CYFIP2: variants seen among roughly 807,000 people sequenced by gnomAD.
CYFIP2 encodes cytoplasmic FMR1-interacting protein 2.
A neutral mutation model predicts 158.7 loss-of-function variants in CYFIP2; 29 were observed. The ratio of observed to expected loss-of-function variants is 0.18; its 90% CI spans 0.14 to 0.25. The LOEUF is 0.25. Ranked by LOEUF, CYFIP2 falls within the 10% of genes least tolerant of loss-of-function variation. The pLI is 1.00. For synonymous variants in CYFIP2, 585 were observed against 617.6 expected (o/e 0.95, Z 0.78); for missense variants, 852 against 1,639.5 (o/e 0.52, Z 8.29).
chr5:157,304,133 C>G, intron 7 of CYFIP2, 105 bp from the exon 8 acceptor site: 2 of 1,389,402 alleles, frequency 1.4e-6, no homozygotes, highest in Non-Finnish European at 1.9e-6. Flanking sequence ...TGATTCCTGG[C>G]CATCAGCGGG....
Position 157,393,336 on chromosome 5 carries a change from A to G in CYFIP2, c.*336A>G. The G allele has an allele frequency of 4.9e-6, 1 of 204,546 alleles. No homozygotes were observed. Among genetic ancestry groups the G allele is most frequent in the Non-Finnish European group, 9.8e-6 (1 of 101,958 alleles). 12.7% of individuals were successfully genotyped at this position (204,546 alleles called of 1,614,324 possible). A position where few individuals can be genotyped will look rare whatever the true frequency, so the allele number is the denominator to read the frequency against. ...CCCACCTATCTGTGGTTGCTTCCCA[A>G]GACCTCCTCCCAAGATAGACATCTC... On this transcript the variant is annotated 3_prime_UTR_variant, in exon 31 of 31. Transcript: ENST00000620254.
chr5:157,342,939 G>T, intron 23 of CYFIP2: 2 of 1,614,216 alleles, frequency 1.2e-6, no homozygotes, highest in Non-Finnish European at 1.7e-6. Flanking sequence ...GGGGCATCCT[G>T]GTTGGCTTCG....
chr5:157,277,675 G>A (rs1756671645), intron 1 of CYFIP2, among the ~76,000 whole-genome samples: 1 of 152,210 alleles, frequency 6.6e-6, no homozygotes, highest in Non-Finnish European at 1.5e-5. Flanking sequence ...AACTCAGATT[G>A]ATTGCTGGTG....
intron 1 of CYFIP2, among the ~76,000 whole-genome samples, chr5:157,275,048 C>T (rs895445161): frequency 9.2e-5 from 14 of 152,154 alleles, no homozygotes; most frequent in Admixed American, 8.5e-4. Flanking sequence ...ACTAGGATTA[C>T]AGGCATGAGC....
intron 13 of CYFIP2, among the ~76,000 whole-genome samples, chr5:157,316,340 T>C (rs1331980257): frequency 9.9e-5 from 15 of 152,144 alleles, no homozygotes; most frequent in Non-Finnish European, 1.8e-4. Flanking sequence ...AAAATCCAAA[T>C]ATAGACATTT....
intron 9 of CYFIP2, 135 bp from the exon 10 acceptor site, chr5:157,309,608 C>T (rs1330826350): frequency 2.1e-5 from 15 of 725,674 alleles, no homozygotes; most frequent in Non-Finnish European, 3.0e-5. Context: ...CACATGGTAG[C>T]GTCATCGGAA....
rs765203342 is a variant in CYFIP2 at position 157,375,409 on chromosome 5, A to G, written c.3040-7181A>G. Among the ~76,000 whole-genome samples, 6 of 152,202 alleles carry G rather than the reference A, an allele frequency of 3.9e-5. No homozygotes were observed. The South Asian group carries it at 1.2e-3, about 32-fold the overall frequency. On this transcript the variant is annotated intron_variant, in intron 26 of 30. Transcript: ENST00000620254. ...CAAGGGGAAGGGCAGGGTGAGTTGC[A>G]TGAGGCTCTCTCAGCCTGATTTCAG...
chr5:157,377,237 G>A (rs1346695577), intron 26 of CYFIP2, among the ~76,000 whole-genome samples: 2 of 151,980 alleles, frequency 1.3e-5, no homozygotes, highest in East Asian at 1.9e-4. Flanking sequence ...ATCTAAGAGA[G>A]GCTTAGAAGA....
intron 1 of CYFIP2, among the ~76,000 whole-genome samples, chr5:157,282,565 T>C (rs1454197360): frequency 6.6e-6 from 1 of 152,252 alleles, no homozygotes; most frequent in African/African-American, 2.4e-5. Context: ...TGAATGGCCT[T>C]GTGCATATAT....
At chr5:157,286,552 G>GTATATATATATATA (rs34826918) in intron 2 of CYFIP2, among the ~76,000 whole-genome samples, 5 of 138,130 alleles carry the variant, frequency 3.6e-5, no homozygotes, top group African/African-American at 1.4e-4. Flanking sequence ...GCTATTTTAT[G>GTATATATATATATA]TATATATATA....
At chr5:157,279,564 G>GC (rs150013894) in intron 1 of CYFIP2, among the ~76,000 whole-genome samples, 8 of 152,064 alleles carry the variant, frequency 5.3e-5, no homozygotes, top group Non-Finnish European at 1.0e-4. Flanking sequence ...GGCACCTAAA[G>GC]CCCCCCCTTC....
At chr5:157,377,240 T>G (rs1223687503) in intron 26 of CYFIP2, among the ~76,000 whole-genome samples, 1 of 152,018 alleles carries the variant, frequency 6.6e-6, no homozygotes, top group Admixed American at 6.6e-5. Flanking sequence ...TAAGAGAGGC[T>G]TAGAAGATTC....
chr5:157,281,966 G>A (rs1434356748), intron 1 of CYFIP2, among the ~76,000 whole-genome samples: 1 of 152,068 alleles, frequency 6.6e-6, no homozygotes. Flanking sequence ...CCATGTCCTG[G>A]AGATCACCCG....
At chr5:157,335,217 C>T (rs1025512731) in intron 21 of CYFIP2, among the ~76,000 whole-genome samples, 6 of 152,108 alleles carry the variant, frequency 3.9e-5, no homozygotes, top group African/African-American at 1.4e-4. Context: ...TATCAGAATC[C>T]ACCTCTTAGG....
chr5:157,390,969 A>C (rs944809696), intron 30 of CYFIP2, among the ~76,000 whole-genome samples: 6 of 152,096 alleles, frequency 3.9e-5, no homozygotes, highest in Middle Eastern at 3.2e-3. Flanking sequence ...ACAAATATTC[A>C]CCAAATACCA....
At chr5:157,382,502 A>G (rs1766225196) in intron 26 of CYFIP2, 88 bp from the exon 27 acceptor site, 4 of 1,389,224 alleles carry the variant, frequency 2.9e-6, no homozygotes, top group Admixed American at 1.9e-5. Flanking sequence ...AGGTCTAGCT[A>G]ACTCCAGTGC....
Position 157,307,878 on chromosome 5 carries a change from G to A in CYFIP2, c.900+13G>A, listed in dbSNP as rs759640813. 8 of 1,480,030 alleles carry A rather than the reference G, an allele frequency of 5.4e-6. No individual in the cohort carries two copies. The highest frequency in any genetic ancestry group is 7.5e-6 in the Non-Finnish European group (8 of 1,070,884). The allele number at this position is 1,480,030 out of a possible 1,614,324, so 91.7% of individuals were successfully genotyped here. The stretch of plus-strand genomic sequence containing the variant: ...TAAATTCTTTAAGGTCAGCAACTGG[G>A]GCTGGGGCTGGGCAGAGGGCTGAGG... On this transcript the variant is annotated intron_variant, in intron 9 of 30. Coordinates refer to ENST00000620254, the MANE Select transcript of CYFIP2 (RefSeq NM_001037333.3).
intron 30 of CYFIP2, 62 bp downstream of exon 30, chr5:157,390,730 A>G: frequency 6.5e-7 from 1 of 1,549,716 alleles, no homozygotes; most frequent in South Asian, 1.2e-5. Context: ...GGCTTTTACC[A>G]GAAAAGCAAA....
At position 157,388,664 on chromosome 5, in the gene CYFIP2, C is replaced by G. The variant is rs1581208606; in HGVS notation, c.3208-525C>G. Among the ~76,000 whole-genome samples, 3 of 152,302 alleles carry G rather than the reference C, an allele frequency of 2.0e-5. No homozygotes were observed. In the South Asian group the frequency reaches 6.2e-4, roughly 32 times the overall value. ...TTGTTCTATTTACTTTACAACTTAA[C>G]CAATAGATCTAGACTACTGGGTCAA... On this transcript the variant is annotated intron_variant, in intron 28 of 30. Transcript: ENST00000620254.
Sources: gnomAD v4.1 joint callset for allele counts (sites outside exome capture counted in the v4.1 genomes callset) on GRCh38, gnomAD v4.1.1 for gene constraint, MANE v1.5 for transcripts, NCBI Gene and HGNC (gene_info 2026-07-23, HGNC 2026-07-21) for gene names.